The following PTPRT variants were observed in gnomAD, a reference collection of about 807,000 sequenced individuals.
PTPRT encodes receptor-type tyrosine-protein phosphatase T.
PTPRT carries 56 observed loss-of-function variants against 176.8 expected under a neutral mutation model. The observed-to-expected ratio is 0.32, with a 90% CI of 0.26 to 0.40. The LOEUF (loss-of-function observed/expected upper bound fraction) is 0.40. Among genes scored for constraint, PTPRT ranks in the 10% least tolerant of loss-of-function variants. The probability of loss-of-function intolerance (pLI) is 1.00; values close to 1 mark genes in which losing one functional copy is unlikely to be tolerated. For synonymous variants in PTPRT, 783 were observed against 739.0 expected, an observed-to-expected ratio of 1.06 and a Z score of -0.96; for missense variants, 1,540 against 1,908.2, an observed-to-expected ratio of 0.81 and a Z score of 3.60.
At chr20:42,475,248 TAC>T (rs2071269376) in intron 7 of PTPRT, among the ~76,000 whole-genome samples, 1 of 152,166 alleles carries the variant, frequency 6.6e-6, no homozygotes, top group Non-Finnish European at 1.5e-5. Context: ...CAGGAATTAG[TAC>T]AGAGTAGCAA....
chr20:42,264,450 T>C (rs1023898668), intron 13 of PTPRT, among the ~76,000 whole-genome samples: 21 of 152,182 alleles, frequency 1.4e-4, no homozygotes, highest in African/African-American at 3.9e-4. Flanking sequence ...TCCTCCCCCA[T>C]TCTGTAGTGT....
intron 7 of PTPRT, among the ~76,000 whole-genome samples, chr20:42,561,904 C>T (rs2072958482): frequency 6.6e-6 from 1 of 152,152 alleles, no homozygotes; most frequent in Admixed American, 6.6e-5. Flanking sequence ...CCCCCCAAAA[C>T]CCTCTCAGGG....
intron 3 of PTPRT, among the ~76,000 whole-genome samples, chr20:42,786,516 G>T (rs1280003629): frequency 6.6e-6 from 1 of 152,190 alleles, no homozygotes; most frequent in Non-Finnish European, 1.5e-5. Context: ...TACGCTGGAA[G>T]ATAGGACATG....
intron 2 of PTPRT, among the ~76,000 whole-genome samples, chr20:42,813,963 G>T (rs973824362): frequency 5.9e-5 from 9 of 152,102 alleles, no homozygotes; most frequent in Middle Eastern, 6.8e-3. Flanking sequence ...CCCTTCCTTT[G>T]CTTTGTTTAT....
chr20:42,045,909 C>T, the PTPRT span, among the ~76,000 whole-genome samples: 8 of 152,242 alleles, frequency 5.3e-5, no homozygotes, highest in African/African-American at 1.7e-4. Context: ...AATCATCCCT[C>T]TAGTTACATG....
At chr20:42,561,059 C>T (rs1162822028) in intron 7 of PTPRT, among the ~76,000 whole-genome samples, 1 of 152,208 alleles carries the variant, frequency 6.6e-6, no homozygotes, top group African/African-American at 2.4e-5. Context: ...TGTCTGGCAG[C>T]AAAAGCTGCT....
intron 13 of PTPRT, among the ~76,000 whole-genome samples, chr20:42,249,703 C>T (rs562770910): frequency 1.3e-5 from 2 of 152,212 alleles, no homozygotes; most frequent in Non-Finnish European, 2.9e-5. Context: ...GGTCAGAAAC[C>T]CTGAATCCCT....
chr20:42,413,945 G>A (rs1158556065), intron 9 of PTPRT, among the ~76,000 whole-genome samples: 1 of 152,148 alleles, frequency 6.6e-6, no homozygotes, highest in African/African-American at 2.4e-5. Flanking sequence ...CCGCCTCCCA[G>A]GTTCAAGCGG....
At chr20:42,184,520 T>C (rs1465581022) in intron 16 of PTPRT, among the ~76,000 whole-genome samples, 2 of 90,030 alleles carry the variant, frequency 2.2e-5, no homozygotes, top group South Asian at 4.5e-4. Context: ...CTCCTCCTCC[T>C]TCTTCTTCTT....
At chr20:42,198,285 G>C (rs1991311179) in intron 16 of PTPRT, among the ~76,000 whole-genome samples, 1 of 152,230 alleles carries the variant, frequency 6.6e-6, no homozygotes, top group South Asian at 2.1e-4. Context: ...ATGAGAGACA[G>C]TGTCTACATT....
chr20:42,086,749 A>ATATATATATATATATAT (rs59068856), intron 27 of PTPRT, among the ~76,000 whole-genome samples: 22 of 75,030 alleles, frequency 2.9e-4, no homozygotes, highest in Non-Finnish European at 4.7e-4. Flanking sequence ...AAAAAAAAAA[A>ATATATATATATATATAT]AAAAATATAT....
the PTPRT span, among the ~76,000 whole-genome samples, chr20:42,039,236 G>A: frequency 6.6e-6 from 1 of 152,088 alleles, no homozygotes; most frequent in Admixed American, 6.5e-5. Flanking sequence ...AGTAAAAATT[G>A]TATATATTTA....
intron 8 of PTPRT, among the ~76,000 whole-genome samples, chr20:42,471,543 T>G (rs1194199255): frequency 2.0e-5 from 3 of 152,150 alleles, no homozygotes; most frequent in Non-Finnish European, 4.4e-5. Context: ...AGCCAAGCTA[T>G]GTCAGTGCTA....
chr20:42,306,402 T>C (rs2057545212), intron 12 of PTPRT, among the ~76,000 whole-genome samples: 2 of 152,044 alleles, frequency 1.3e-5, no homozygotes, highest in Admixed American at 6.5e-5. Flanking sequence ...GGGAAAGAGT[T>C]CTAGGCAGAT....
intron 8 of PTPRT, among the ~76,000 whole-genome samples, chr20:42,466,847 C>T (rs2205946): frequency 0.35 from 52,875 of 151,888 alleles, 9,524 homozygotes; most frequent in African/African-American, 0.42. Context: ...AGTGGTTGGC[C>T]TCAGGTCTGG....
rs917913993 is a variant in PTPRT at position 43,044,136 on chromosome 20, T to C, written c.88+145510A>G. On this transcript the variant is annotated intron_variant, in intron 1 of 30. Transcript: ENST00000373187. The stretch of plus-strand genomic sequence containing the variant: ...TCCAGCCGCCAGCCTGAGAAAATGA[T>C]TAGGCTGAATTTGGAGCACCTGCCA... Among the ~76,000 whole-genome samples the C allele has an allele frequency of 2.6e-5, 4 of 152,120 alleles. 1 individual carries two copies. Among genetic ancestry groups the C allele is most frequent in the Admixed American group, 2.6e-4 (4 of 15,296 alleles).
rs62203543 is a variant in PTPRT at position 42,461,009 on chromosome 20, T to C, written c.1450+11257A>G. Among the ~76,000 whole-genome samples, 1,327 of 152,120 alleles carry C rather than the reference T, an allele frequency of 8.7e-3. 11 individuals carry two copies. The highest frequency in any genetic ancestry group is 0.014 in the Middle Eastern group (4 of 294). On this transcript the variant is annotated intron_variant, in intron 8 of 30. Coordinates refer to ENST00000373187, the MANE Select transcript of PTPRT (RefSeq NM_007050.6). ...ATCACCTTGGGTAACACAATGAGAC[T>C]CTGTCTCTACAAAAAAAGTAAAAAT...
At chr20:43,183,503 G>A (rs1301208439) in intron 1 of PTPRT, among the ~76,000 whole-genome samples, 2 of 152,188 alleles carry the variant, frequency 1.3e-5, no homozygotes, top group Non-Finnish European at 2.9e-5. Flanking sequence ...ACAAAGGCCC[G>A]TGGTCAAATA....
chr20:42,432,704 C>A (rs2059225995), intron 9 of PTPRT, among the ~76,000 whole-genome samples: 1 of 152,200 alleles, frequency 6.6e-6, no homozygotes, highest in South Asian at 2.1e-4. Context: ...TGAAAACATT[C>A]CTTTCTGCTG....
Sources: gnomAD v4.1 joint callset for allele counts (sites outside exome capture counted in the v4.1 genomes callset) on GRCh38, gnomAD v4.1.1 for gene constraint, MANE v1.5 for transcripts, NCBI Gene and HGNC (gene_info 2026-07-23, HGNC 2026-07-21) for gene names.